The following PUDP variants were observed in gnomAD, a reference collection of about 807,000 sequenced individuals.
PUDP encodes pseudouridine-5'-phosphatase.
Under a neutral mutation model 9.4 loss-of-function variants are expected in PUDP, and 8 were observed. The observed-to-expected ratio is 0.85, with a 90% confidence interval of 0.50 to 1.53. The LOEUF (loss-of-function observed/expected upper bound fraction) is 1.53, where lower values mean the gene tolerates loss of function less well. Ranked by LOEUF, PUDP falls within the 40% of genes most tolerant of loss-of-function variation. The probability of loss-of-function intolerance (pLI) is 0.00; values close to 1 mark genes in which losing one functional copy is unlikely to be tolerated. For synonymous variants in PUDP, 99 were observed against 80.7 expected, an observed-to-expected ratio of 1.23 and a Z score of -1.22; for missense variants, 188 against 189.7, an observed-to-expected ratio of 0.99 and a Z score of 0.05.
intron 1 of PUDP, among the ~76,000 whole-genome samples, chrX:7,028,782 G>A (rs113678262): frequency 9.0e-5 from 10 of 111,544 alleles, no homozygotes; most frequent in African/African-American, 2.9e-4. Context: ...ATAACAAAGC[G>A]CCACGGACCG....
At chrX:7,035,323 G>A (rs1312148102) in intron 1 of PUDP, among the ~76,000 whole-genome samples, 2 of 111,694 alleles carry the variant, frequency 1.8e-5, no homozygotes, top group Non-Finnish European at 3.8e-5. Context: ...GTTTCCTGGT[G>A]TCATTAACCA....
intron 1 of PUDP, among the ~76,000 whole-genome samples, chrX:7,040,799 G>A (rs935604523): frequency 3.6e-5 from 4 of 110,304 alleles, no homozygotes; most frequent in East Asian, 2.9e-4. Context: ...ATGAGTGCTC[G>A]GGACATCATG....
intron 3 of PUDP, among the ~76,000 whole-genome samples, chrX:6,941,004 A>G (rs764828973): frequency 8.9e-6 from 1 of 112,142 alleles, no homozygotes; most frequent in Non-Finnish European, 1.9e-5. Flanking sequence ...GAAGCAAACA[A>G]TATCTTGTTG....
At chrX:7,141,337 A>T (rs911774339) in intron 1 of PUDP, among the ~76,000 whole-genome samples, 4 of 112,919 alleles carry the variant, frequency 3.5e-5, no homozygotes, top group Non-Finnish European at 5.6e-5. Context: ...AGAGTGAAAC[A>T]GCCTTATTGC....
chrX:6,891,583 C>T (rs939077813), intron 3 of PUDP, among the ~76,000 whole-genome samples: 5 of 112,360 alleles, frequency 4.4e-5, no homozygotes, highest in Non-Finnish European at 7.5e-5. Flanking sequence ...AGGCATTGCC[C>T]TCTGTTCTTG....
chrX:6,911,568 T>C (rs748101240), intron 3 of PUDP, among the ~76,000 whole-genome samples: 2 of 112,241 alleles, frequency 1.8e-5, no homozygotes, highest in Non-Finnish European at 3.8e-5. Context: ...TTTTTTTAAA[T>C]AAATGTGTTT....
chrX:6,804,803 C>G (rs1382338609), intron 3 of PUDP, among the ~76,000 whole-genome samples: 1 of 111,719 alleles, frequency 9.0e-6, no homozygotes, highest in African/African-American at 3.3e-5. Context: ...GTAGACAGAG[C>G]CAAACTGAAC....
intron 1 of PUDP, among the ~76,000 whole-genome samples, chrX:7,004,125 C>T (rs1425964035): frequency 9.0e-6 from 1 of 111,659 alleles, no homozygotes; most frequent in East Asian, 2.8e-4. Context: ...ATCCACCCGC[C>T]TTGGCTTCCC....
chrX:6,963,385 C>A (rs755738377), intron 3 of PUDP, among the ~76,000 whole-genome samples: 1 of 111,321 alleles, frequency 9.0e-6, no homozygotes, highest in East Asian at 2.8e-4. Context: ...CATGACTGAG[C>A]CAAGTCCTCA....
At chrX:6,762,065 G>A (rs1681279476) in intron 3 of PUDP, among the ~76,000 whole-genome samples, 2 of 111,446 alleles carry the variant, frequency 1.8e-5, no homozygotes. Flanking sequence ...CGTGGCATAC[G>A]CCTGTAGTCC....
chrX:6,985,034 G>A (rs1381966113), intron 1 of PUDP, among the ~76,000 whole-genome samples: 1 of 111,663 alleles, frequency 9.0e-6, no homozygotes, highest in Non-Finnish European at 1.9e-5. Context: ...TTCAGAAATC[G>A]TTCTACAGCC....
intron 1 of PUDP, among the ~76,000 whole-genome samples, chrX:7,030,421 C>T (rs1367700196): frequency 1.8e-5 from 2 of 111,983 alleles, no homozygotes; most frequent in Non-Finnish European, 3.8e-5. Flanking sequence ...TAAACAAAAC[C>T]AGTGTTCTGT....
chrX:6,965,185 G>A (rs186024145), intron 3 of PUDP, among the ~76,000 whole-genome samples: 1 of 111,922 alleles, frequency 8.9e-6, no homozygotes, highest in African/African-American at 3.2e-5. Flanking sequence ...TGAGAGCAGC[G>A]ATTTATTTTC....
chrX:6,821,187 C>T (rs1205622630), intron 3 of PUDP, among the ~76,000 whole-genome samples: 1 of 111,264 alleles, frequency 9.0e-6, no homozygotes, highest in African/African-American at 3.3e-5. Context: ...AGCAGCAAGA[C>T]ACCTTGATGT....
At chrX:7,146,586 T>C (rs1207856044) in intron 1 of PUDP, among the ~76,000 whole-genome samples, 4 of 111,223 alleles carry the variant, frequency 3.6e-5, no homozygotes, top group Non-Finnish European at 7.5e-5. Flanking sequence ...TTTTTTTCCT[T>C]TGGAATTCAT....
chrX:7,044,392 G>A (rs1375571661), downstream of PUDP, among the ~76,000 whole-genome samples: 1 of 112,460 alleles, frequency 8.9e-6, no homozygotes, highest in African/African-American at 3.2e-5. Context: ...AGACCCGCAA[G>A]TATCTGGTCT....
intron 3 of PUDP, among the ~76,000 whole-genome samples, chrX:6,745,097 A>G (rs1602604607): frequency 9.0e-6 from 1 of 111,636 alleles, no homozygotes. Context: ...TTGCAGCATG[A>G]TGGCAGTATC....
At chrX:6,830,937 C>T (rs777276457) in intron 3 of PUDP, among the ~76,000 whole-genome samples, 5 of 111,988 alleles carry the variant, frequency 4.5e-5, no homozygotes, top group East Asian at 2.8e-4. Context: ...CACACAGAGC[C>T]GGCTGTACAG....
At chrX:7,015,822 C>T (rs1161252537) in intron 1 of PUDP, among the ~76,000 whole-genome samples, 3 of 110,656 alleles carry the variant, frequency 2.7e-5, no homozygotes, top group Non-Finnish European at 1.9e-5. Context: ...AGCAATCCTC[C>T]TGCCTTGGCC....
Sources: allele counts gnomAD v4.1 joint callset (sites outside exome capture counted in the v4.1 genomes callset), GRCh38; gene constraint gnomAD v4.1.1; transcripts MANE v1.5; gene names NCBI Gene and HGNC (gene_info 2026-07-23, HGNC 2026-07-21).